The following NFASC variants were observed in gnomAD, a reference collection of about 807,000 sequenced individuals.
The protein encoded by NFASC is neurofascin, also known as neurofascin homolog.
A neutral mutation model predicts 147.5 loss-of-function variants in NFASC; 43 were observed. The ratio of observed to expected loss-of-function variants is 0.29; its 90% CI spans 0.23 to 0.38. The LOEUF (loss-of-function observed/expected upper bound fraction) is 0.38, where lower values mean the gene tolerates loss of function less well. Ranked by LOEUF, NFASC falls within the 10% of genes least tolerant of loss-of-function variation. The probability of loss-of-function intolerance (pLI) is 1.00; values close to 1 mark genes in which losing one functional copy is unlikely to be tolerated. For missense variants in NFASC, 1,320 were observed against 1,689.0 expected (o/e 0.78, Z 3.83); for synonymous variants, 622 against 665.5 (o/e 0.93, Z 1.01).
At chr1:204,935,418 G>C (rs111678510) in intron 2 of NFASC, among the ~76,000 whole-genome samples, 2 of 152,210 alleles carry the variant, frequency 1.3e-5, no homozygotes. Context: ...TGAAAGGAAG[G>C]CTCCAGATGT....
At chr1:204,886,227 A>C (rs568041598) in intron 1 of NFASC, among the ~76,000 whole-genome samples, 21 of 152,342 alleles carry the variant, frequency 1.4e-4, no homozygotes, top group Middle Eastern at 3.4e-3. Flanking sequence ...TTAAGCAAGA[A>C]CTGCATCATT....
At chr1:204,854,051 T>A (rs1452239513) in intron 1 of NFASC, among the ~76,000 whole-genome samples, 1 of 152,142 alleles carries the variant, frequency 6.6e-6, no homozygotes, top group Non-Finnish European at 1.5e-5. Context: ...ATAGCTAAAT[T>A]GTTCACTGAC....
rs184413543 is a variant in NFASC at position 204,834,964 on chromosome 1, G to T, written c.-200+6182G>T. On this transcript the variant is annotated intron_variant, in intron 1 of 29. Coordinates refer to ENST00000339876, the MANE Select transcript of NFASC (RefSeq NM_001005388.3). ...AGGTGGCAAATGAACCTCCTAAGAA[G>T]GTCTAATTATTCTCATCATCATCAC... 2.2e-4 allele frequency among the ~76,000 whole-genome samples: 33 copies of T among 152,186 alleles called. 1 individual carries two copies. The highest frequency in any genetic ancestry group is 7.2e-4 in the African/African-American group (30 of 41,530).
Position 204,986,257 on chromosome 1 carries a change from G to A in NFASC, c.2471-1161G>A, listed in dbSNP as rs531467667. 4.5e-5 allele frequency: 29 copies of A among 648,802 alleles called. No homozygotes were observed. Among genetic ancestry groups the A allele is most frequent in the Admixed American group, 1.2e-4 (5 of 42,284 alleles). The allele number at this position is 648,802 out of a possible 1,614,324, so 40.2% of individuals were successfully genotyped here. The stretch of plus-strand genomic sequence containing the variant: ...TCCAGGAGCGGATGACCTGCAAGCC[G>A]AGCCACTACAGCCATTCCCAGACCA... On this transcript the variant is annotated intron_variant, in intron 21 of 29. Transcript: ENST00000339876. The surrounding 1 kb of genome is among the most constrained non-coding windows in gnomAD (Gnocchi z 4.2).
intron 27 of NFASC, 55 bp from the exon 28 acceptor site, chr1:205,009,502 T>C: frequency 6.3e-7 from 1 of 1,592,622 alleles, no homozygotes; most frequent in Non-Finnish European, 8.6e-7. Context: ...ATCTCCCTCC[T>C]CACCATCTCC....
Position 204,987,447 on chromosome 1 carries a change from C to G in NFASC, c.2500C>G (p.Arg834Gly). 1 of 1,614,076 alleles carries G rather than the reference C, an allele frequency of 6.2e-7. No homozygotes were observed. Among genetic ancestry groups the G allele is most frequent in the Non-Finnish European group, 8.5e-7 (1 of 1,179,982 alleles). The stretch of plus-strand genomic sequence containing the variant: ...CAGTGCCCCTAGGCGTTTCCGAGTC[C>G]GGCAGCCCAACCTGGAGACAATCAA... ...LPSAPRRFRV[R>G]QPNLETINLE... The change falls in exon 22 of 30, where the codon CGG (arginine) becomes GGG (glycine). Residue 834 changes from arginine (R) to glycine (G), a missense_variant. Physicochemically the swap from Arg to Gly is moderately radical, Grantham distance 125. Transcript: ENST00000339876. The surrounding 1 kb of genome is among the most constrained non-coding windows in gnomAD (Gnocchi z 4.4).
At position 205,016,707 on chromosome 1, in the gene NFASC, C is replaced by A. The variant is rs766737310; in HGVS notation, c.*168C>A. ...CAGTAGCCACCAAGCCACCCACAAG[C>A]CCCCTCCCAATGACCCCCCTTCAGC... is the stretch of plus-strand genomic sequence containing the variant. On this transcript the variant is annotated 3_prime_UTR_variant, in exon 30 of 30. Transcript: ENST00000339876. This position sits in a 1 kb window ranked among gnomAD's most constrained non-coding sequence, Gnocchi z 5.1. The A allele has an allele frequency of 2.8e-4, 194 of 687,446 alleles. No homozygotes were observed. Among genetic ancestry groups the A allele is most frequent in the Non-Finnish European group, 5.0e-5 (19 of 376,822 alleles). The allele number at this position is 687,446 out of a possible 1,614,324, so 42.6% of individuals were successfully genotyped here. A position where few individuals can be genotyped will look rare whatever the true frequency, so the allele number is the denominator to read the frequency against.
chr1:205,011,564 C>A (rs1167913493), intron 28 of NFASC, among the ~76,000 whole-genome samples: 12 of 152,210 alleles, frequency 7.9e-5, no homozygotes, highest in Admixed American at 6.5e-4. Flanking sequence ...GAAAGTATCT[C>A]ATTCCAAACA....
intron 1 of NFASC, among the ~76,000 whole-genome samples, chr1:204,910,480 T>C (rs911338568): frequency 6.7e-6 from 1 of 149,754 alleles, no homozygotes; most frequent in Non-Finnish European, 1.5e-5. Flanking sequence ...GCTTTTTCTG[T>C]TGTCCAGGCA....
intron 25 of NFASC, chr1:205,000,223 A>C (rs935320248): frequency 2.0e-5 from 3 of 152,200 alleles, no homozygotes; most frequent in Admixed American, 6.5e-5. Context: ...TCAAGGAGTT[A>C]TCTTCTCTTG....
intron 1 of NFASC, among the ~76,000 whole-genome samples, chr1:204,881,350 GT>G (rs1220025982): frequency 1.3e-5 from 2 of 152,202 alleles, no homozygotes; most frequent in Non-Finnish European, 2.9e-5. Flanking sequence ...CTCTCTATTG[GT>G]GACAGATGCA....
In NFASC at chr1:204,975,247, C is replaced by T. The variant is rs772908709; in HGVS notation, c.1559-24C>T. 1.8e-5 allele frequency: 29 copies of T among 1,591,944 alleles called. No individual in the cohort carries two copies. Among genetic ancestry groups the T allele is most frequent in the South Asian group, 7.8e-5 (7 of 89,324 alleles). On this transcript the variant is annotated intron_variant, in intron 14 of 29. Coordinates refer to ENST00000339876, the MANE Select transcript of NFASC (RefSeq NM_001005388.3). The surrounding 1 kb of genome is among the most constrained non-coding windows in gnomAD (Gnocchi z 4.0). ...TGCTGGGCAGAGAACAGGCCAGTGGCGAGTGCTCTGGGCTTCTCCACAGAC... is the reference window on the plus strand; with the variant it reads ...TGCTGGGCAGAGAACAGGCCAGTGGTGAGTGCTCTGGGCTTCTCCACAGAC...
rs944013040 is a variant in NFASC, at chr1:205,018,206, C to T, written c.*1667C>T. On this transcript the variant is annotated 3_prime_UTR_variant, in exon 30 of 30. Coordinates refer to ENST00000339876, the MANE Select transcript of NFASC (RefSeq NM_001005388.3). The stretch of plus-strand genomic sequence containing the variant: ...CTTTAGCTGTTTCTGCAGCTGAGGT[C>T]AGTTTCAGGAGGGTGAAGCTGATCC... 6.6e-6 allele frequency: 1 copy of T among 152,524 alleles called. No individual in the cohort carries two copies. Among genetic ancestry groups the T allele is most frequent in the Non-Finnish European group, 1.5e-5 (1 of 68,036 alleles). The allele number at this position is 152,524 out of a possible 1,614,324, so 9.4% of individuals were successfully genotyped here. A position where few individuals can be genotyped will look rare whatever the true frequency, so the allele number is the denominator to read the frequency against.
intron 1 of NFASC, among the ~76,000 whole-genome samples, chr1:204,903,833 T>C (rs1365156833): frequency 6.6e-6 from 1 of 152,386 alleles, no homozygotes; most frequent in East Asian, 1.9e-4. Context: ...ATAGCAGTTT[T>C]CTGAGATAAT....
Position 205,019,498 on chromosome 1 carries a change from T to TTCATTCATTCAC in NFASC, c.*2962_*2963insTTCATTCACTCA, listed in dbSNP as rs1249970993. 12 of 152,020 alleles carry TTCATTCATTCAC rather than the reference T, an allele frequency of 7.9e-5. No individual in the cohort carries two copies. The highest frequency in any genetic ancestry group is 2.9e-4 in the African/African-American group (12 of 41,342). The allele number at this position is 152,020 out of a possible 1,614,324, so 9.4% of individuals were successfully genotyped here. On this transcript the variant is annotated 3_prime_UTR_variant, in exon 30 of 30. Coordinates refer to ENST00000339876, the MANE Select transcript of NFASC (RefSeq NM_001005388.3). ...GTCCATTCATTCATTCATTCATTCA[T>TTCATTCATTCAC]TCAGCAAATAATCTGAAATCCAGTC...
rs940583876 is a variant in NFASC, at chr1:204,986,215, G to T, written c.2471-1203G>T. 9.3e-6 allele frequency: 8 copies of T among 856,494 alleles called. No homozygotes were observed. Among genetic ancestry groups the T allele is most frequent in the Non-Finnish European group, 1.5e-5 (8 of 527,194 alleles). 53.1% of individuals were successfully genotyped at this position (856,494 alleles called of 1,614,324 possible). ...CGTGGCTCAGCATGGATGGCACAAGGTGACTTCTGCGAGGCCTCCAGGAGC... is the reference window on the plus strand; with the variant it reads ...CGTGGCTCAGCATGGATGGCACAAGTTGACTTCTGCGAGGCCTCCAGGAGC... On this transcript the variant is annotated intron_variant, in intron 21 of 29. Coordinates refer to ENST00000339876, the MANE Select transcript of NFASC (RefSeq NM_001005388.3). This position sits in a 1 kb window ranked among gnomAD's most constrained non-coding sequence, Gnocchi z 4.2.
intron 1 of NFASC, among the ~76,000 whole-genome samples, chr1:204,868,298 G>A (rs1490748070): frequency 6.6e-6 from 1 of 152,190 alleles, no homozygotes; most frequent in African/African-American, 2.4e-5. Flanking sequence ...GAGCAGGTGG[G>A]CTGGATGTGG....
At chr1:204,952,328 C>A (rs1164749149) in intron 5 of NFASC, among the ~76,000 whole-genome samples, 1 of 152,176 alleles carries the variant, frequency 6.6e-6, no homozygotes, top group African/African-American at 2.4e-5. Flanking sequence ...TAAGTTCACA[C>A]CAAAAGCCAG....
intron 1 of NFASC, among the ~76,000 whole-genome samples, chr1:204,919,608 T>A (rs2090048864): frequency 6.6e-6 from 1 of 151,930 alleles, no homozygotes; most frequent in African/African-American, 2.4e-5. Flanking sequence ...TCTACAAGAG[T>A]GGATTATACC....
Sources: allele counts gnomAD v4.1 joint callset (sites outside exome capture counted in the v4.1 genomes callset), GRCh38; gene constraint gnomAD v4.1.1; non-coding constraint Gnocchi (gnomAD v3.1); transcripts MANE v1.5; gene names NCBI Gene and HGNC (gene_info 2026-07-23, HGNC 2026-07-21).